ADAMTSL1: variants seen among roughly 807,000 people sequenced by gnomAD.
ADAMTSL1 encodes ADAMTS like 1, also known as ADAMTS-like protein 1.
A neutral mutation model predicts 201.8 loss-of-function variants in ADAMTSL1; 126 were observed. The observed-to-expected ratio is 0.62, with a 90% CI of 0.54 to 0.72. The LOEUF (loss-of-function observed/expected upper bound fraction) is 0.72, where lower values mean the gene tolerates loss of function less well. Among genes scored for constraint, ADAMTSL1 ranks in the 30% least tolerant of loss-of-function variants. ADAMTSL1 has a pLI of 0.00. For synonymous variants in ADAMTSL1, 1,121 were observed against 903.4 expected, an observed-to-expected ratio of 1.24 and a Z score of -4.32; for missense variants, 2,679 against 2,277.8, an observed-to-expected ratio of 1.18 and a Z score of -3.59.
At chr9:18,474,327 T>C in intron 1 of ADAMTSL1, 32 bp downstream of exon 1, 1 of 1,607,634 alleles carries the variant, frequency 6.2e-7, no homozygotes, top group Non-Finnish European at 8.5e-7. Flanking sequence ...TGCATTGCTA[T>C]TGCCATTGAG....
chr9:18,547,494 A>AT (rs1473231496), intron 3 of ADAMTSL1, among the ~76,000 whole-genome samples: 3 of 152,048 alleles, frequency 2.0e-5, no homozygotes, highest in Admixed American at 1.3e-4. Flanking sequence ...TAAAGCAAAG[A>AT]TTGGCAGTAG....
At chr9:18,278,757 C>T (rs56391525) in intron 2 of ADAMTSL1, among the ~76,000 whole-genome samples, 13,551 of 152,080 alleles carry the variant, frequency 0.089, 833 homozygotes, top group African/African-American at 0.16. Context: ...TTCCACTTTC[C>T]TTTTTTGCTG....
At chr9:17,982,492 G>A (rs1361405153) in intron 1 of ADAMTSL1, among the ~76,000 whole-genome samples, 1 of 152,064 alleles carries the variant, frequency 6.6e-6, no homozygotes, top group East Asian at 1.9e-4. Context: ...GACGCTTGTA[G>A]TCCCATCTAC....
At chr9:18,602,474 G>C (rs1018607250) in intron 4 of ADAMTSL1, among the ~76,000 whole-genome samples, 1 of 152,320 alleles carries the variant, frequency 6.6e-6, no homozygotes, top group East Asian at 1.9e-4. Flanking sequence ...ACCAGCACTG[G>C]AATCAGGACC....
At chr9:18,255,652 A>T (rs1353431726) in intron 2 of ADAMTSL1, among the ~76,000 whole-genome samples, 1 of 152,252 alleles carries the variant, frequency 6.6e-6, no homozygotes, top group African/African-American at 2.4e-5. Context: ...TCTAAAGGAA[A>T]TATCTATGTT....
In ADAMTSL1 at chr9:18,597,414, A is replaced by G. The variant is rs115499277; in HGVS notation, c.474+23148A>G. ...ATTTCTAATTATTTCAACTCTCTCTATTATTAATATGCTTATCAAGTTGTT... is the reference window on the plus strand; with the variant it reads ...ATTTCTAATTATTTCAACTCTCTCTGTTATTAATATGCTTATCAAGTTGTT... On this transcript the variant is annotated intron_variant, in intron 4 of 28. Coordinates refer to ENST00000380548, the MANE Select transcript of ADAMTSL1 (RefSeq NM_001040272.6). 9.4e-3 allele frequency among the ~76,000 whole-genome samples: 1,424 copies of G among 152,286 alleles called. 23 individuals are homozygous for G. Among genetic ancestry groups the G allele is most frequent in the African/African-American group, 0.033 (1,355 of 41,550 alleles).
intron 1 of ADAMTSL1, among the ~76,000 whole-genome samples, chr9:18,089,268 T>C (rs1563993353): frequency 6.6e-6 from 1 of 152,146 alleles, no homozygotes; most frequent in Non-Finnish European, 1.5e-5. Context: ...ATATATACCA[T>C]GGAATACTCT....
intron 7 of ADAMTSL1, among the ~76,000 whole-genome samples, chr9:18,639,718 A>G (rs1055359271): frequency 6.6e-6 from 1 of 152,138 alleles, no homozygotes; most frequent in Non-Finnish European, 1.5e-5. Flanking sequence ...TTTTTAAAAT[A>G]GTTTGGATAC....
chr9:18,730,663 G>A (rs1818162246), intron 15 of ADAMTSL1, among the ~76,000 whole-genome samples: 1 of 152,214 alleles, frequency 6.6e-6, no homozygotes, highest in Admixed American at 6.5e-5. Context: ...CCTAAGGGAA[G>A]AATGATTGTC....
chr9:18,594,380 G>A lies in ADAMTSL1; in HGVS notation c.474+20114G>A, dbSNP rs1824121196. 3.9e-5 allele frequency among the ~76,000 whole-genome samples: 6 copies of A among 151,960 alleles called. No individual in the cohort carries two copies. In the South Asian group the frequency reaches 1.0e-3, roughly 26 times the overall value. On this transcript the variant is annotated intron_variant, in intron 4 of 28. Coordinates refer to ENST00000380548, the MANE Select transcript of ADAMTSL1 (RefSeq NM_001040272.6). ...ATACTTATAACTGTCTTCAGATTTG[G>A]ACATTTTTCTGTTACTACTTTTTTG...
intron 1 of ADAMTSL1, among the ~76,000 whole-genome samples, chr9:18,027,767 A>C (rs945718772): frequency 3.3e-5 from 5 of 151,954 alleles, no homozygotes; most frequent in Non-Finnish European, 1.5e-5. Flanking sequence ...CTGGAACTTC[A>C]TTATTAATTT....
chr9:18,223,581 C>A (rs564471417), intron 2 of ADAMTSL1, among the ~76,000 whole-genome samples: 1 of 152,158 alleles, frequency 6.6e-6, no homozygotes, highest in South Asian at 2.1e-4. Flanking sequence ...CTTTTCATCT[C>A]TAGAAATTCA....
rs142981287 is a variant in ADAMTSL1 at position 18,603,569 on chromosome 9, C to A, written c.475-18674C>A. ...TGGTATTTAGGGCAGAGGCATCATT[C>A]CATACCTCCTCAACAACCAACCCAC... On this transcript the variant is annotated intron_variant, in intron 4 of 28. Coordinates refer to ENST00000380548, the MANE Select transcript of ADAMTSL1 (RefSeq NM_001040272.6). Among the ~76,000 whole-genome samples the A allele has an allele frequency of 7.2e-5, 11 of 152,268 alleles. No homozygotes were observed. In the East Asian group the frequency reaches 2.1e-3, roughly 29 times the overall value.
At chr9:17,975,913 G>A (rs1270223110) in intron 1 of ADAMTSL1, among the ~76,000 whole-genome samples, 2 of 152,056 alleles carry the variant, frequency 1.3e-5, no homozygotes, top group East Asian at 1.9e-4. Flanking sequence ...GTAAGATAAA[G>A]GTCTGATTTT....
chr9:18,582,246 C>A (rs183459869), intron 4 of ADAMTSL1, among the ~76,000 whole-genome samples: 1 of 152,238 alleles, frequency 6.6e-6, no homozygotes, highest in East Asian at 1.9e-4. Context: ...AATGCTAGTA[C>A]CTTTTTGTTT....
chr9:18,675,589 A>G (rs574241336), intron 9 of ADAMTSL1, among the ~76,000 whole-genome samples: 1 of 152,296 alleles, frequency 6.6e-6, no homozygotes, highest in South Asian at 2.1e-4. Context: ...ATGAAGTGCC[A>G]AGTTTTGTTG....
intron 19 of ADAMTSL1, among the ~76,000 whole-genome samples, chr9:18,785,140 G>A (rs1302998894): frequency 3.3e-5 from 5 of 151,318 alleles, no homozygotes; most frequent in Non-Finnish European, 7.4e-5. Flanking sequence ...TTCTGGCCTG[G>A]GTGACACAGT....
chr9:18,857,726 T>C (rs1478051666), intron 23 of ADAMTSL1, among the ~76,000 whole-genome samples: 3 of 152,334 alleles, frequency 2.0e-5, no homozygotes, highest in African/African-American at 4.8e-5. Context: ...GTGGCAAATA[T>C]CTCATTCCTC....
intron 1 of ADAMTSL1, among the ~76,000 whole-genome samples, chr9:17,995,910 C>G (rs957777771): frequency 1.3e-5 from 2 of 151,870 alleles, no homozygotes; most frequent in African/African-American, 4.8e-5. Context: ...GCCTCAATTT[C>G]CTCATCTCTA....
Sources: gnomAD v4.1 joint callset for allele counts (sites outside exome capture counted in the v4.1 genomes callset) on GRCh38, gnomAD v4.1.1 for gene constraint, MANE v1.5 for transcripts, NCBI Gene and HGNC (gene_info 2026-07-23, HGNC 2026-07-21) for gene names.